SRGAP2C: variants seen among roughly 807,000 people sequenced by gnomAD.
The protein encoded by SRGAP2C is SLIT-ROBO Rho GTPase-activating protein 2C.
In SRGAP2C, 15 loss-of-function variants were observed where a neutral mutation model predicts 25.1. That is an observed-to-expected ratio of 0.60 (90% CI 0.40 to 0.92). SRGAP2C has a LOEUF of 0.92. Among genes scored for constraint, SRGAP2C ranks in the 40% least tolerant of loss-of-function variants. The pLI, the probability that SRGAP2C is intolerant of heterozygous loss-of-function variation, is 0.00. For missense variants in SRGAP2C, 144 were observed against 264.4 expected (o/e 0.54, Z 3.16); for synonymous variants, 44 against 96.6 (o/e 0.46, Z 3.19).
intron 2 of SRGAP2C, among the ~76,000 whole-genome samples, chr1:121,201,852 A>G (rs1225452561): frequency 6.6e-6 from 1 of 152,196 alleles, no homozygotes; most frequent in African/African-American, 2.4e-5. Flanking sequence ...TATGCTTGAA[A>G]CTATTTGGAG....
chr1:121,355,556 G>A (rs1233260828), intron 4 of SRGAP2C, among the ~76,000 whole-genome samples: 4 of 132,742 alleles, frequency 3.0e-5, no homozygotes, highest in Non-Finnish European at 3.2e-5. Flanking sequence ...TGATCCGCCC[G>A]CCTCGGCCTC....
intron 2 of SRGAP2C, among the ~76,000 whole-genome samples, chr1:121,206,249 CTTTG>C: frequency 1.3e-5 from 2 of 152,038 alleles, no homozygotes; most frequent in Non-Finnish European, 2.9e-5. Context: ...CTTGTGAGTT[CTTTG>C]AGGGTGGACA....
At chr1:121,191,492 G>C (rs1174157608) in intron 2 of SRGAP2C, among the ~76,000 whole-genome samples, 2 of 150,050 alleles carry the variant, frequency 1.3e-5, no homozygotes, top group South Asian at 4.2e-4. Context: ...GAACCTGCAG[G>C]TATGGGGAGG....
In SRGAP2C at chr1:121,348,704, G is replaced by A. The variant is rs868981787; in HGVS notation, c.424-16589G>A. ...CATTGTATAAGATTAGGAGAATACA[G>A]ATAAGACAAAATAGCATTGAAGGAG... is the stretch of plus-strand genomic sequence containing the variant. On this transcript the variant is annotated intron_variant, in intron 4 of 9. Coordinates refer to ENST00000367123, the MANE Select transcript of SRGAP2C (RefSeq NM_001329984.2). Among the ~76,000 whole-genome samples, 115 of 149,604 alleles carry A rather than the reference G, an allele frequency of 7.7e-4. No homozygotes were observed. In the Middle Eastern group the frequency reaches 0.014, roughly 18 times the overall value.
Position 121,314,869 on chromosome 1 carries a change from G to A in SRGAP2C, c.261-9609G>A, listed in dbSNP as rs1553340417. The A allele has an allele frequency of 1.2e-4, 65 of 560,150 alleles. 1 individual carries two copies. Among genetic ancestry groups the A allele is most frequent in the Middle Eastern group, 5.1e-4 (1 of 1,962 alleles). The allele number at this position is 560,150 out of a possible 1,614,324, so 34.7% of individuals were successfully genotyped here. ...GCAGAAATCACCCGTCTTCTGTGTC[G>A]CTCACGCTGGGAGCTGTAGACCGGA... On this transcript the variant is annotated intron_variant, in intron 3 of 9. Transcript: ENST00000367123.
rs868953405 is a variant in SRGAP2C at position 121,266,545 on chromosome 1, C to T, written c.68-18258C>T. 9.0e-4 allele frequency among the ~76,000 whole-genome samples: 134 copies of T among 149,030 alleles called. 7 individuals are homozygous for T. The Middle Eastern group carries it at 0.021, about 23-fold the overall frequency. ...GTTGTTGATTTTTTAAAAAAGGAAA[C>T]GAAGGAGTTGCCATGATTGCGGTTA... On this transcript the variant is annotated intron_variant, in intron 2 of 9. Transcript: ENST00000367123.
chr1:121,367,268 A>T (rs1659351564), intron 5 of SRGAP2C, among the ~76,000 whole-genome samples: 2 of 151,396 alleles, frequency 1.3e-5, no homozygotes, highest in Non-Finnish European at 2.9e-5. Context: ...GGGAAAAAAG[A>T]GTAGAGGCAC....
At position 121,337,468 on chromosome 1, in the gene SRGAP2C, C is replaced by A. The variant is rs1343748854; in HGVS notation, c.423+12828C>A. On this transcript the variant is annotated intron_variant, in intron 4 of 9. Coordinates refer to ENST00000367123, the MANE Select transcript of SRGAP2C (RefSeq NM_001329984.2). ...CCAACATGCTGAAACCCTGTCTCTA[C>A]TAAAAATACAGAAATTAGCCAGGCG... Among the ~76,000 whole-genome samples the A allele has an allele frequency of 2.8e-3, 405 of 144,802 alleles. 6 individuals are homozygous for A. The highest frequency in any genetic ancestry group is 9.7e-3 in the African/African-American group (375 of 38,570). The allele number at this position is 144,802 out of a possible 152,430, so 95.0% of individuals were successfully genotyped here. A position where few individuals can be genotyped will look rare whatever the true frequency, so the allele number is the denominator to read the frequency against.
chr1:121,382,931 G>C lies in SRGAP2C; in HGVS notation c.1056+6G>C. ...AGCCCCACATGGGGGATATGGTGAG[G>C]CCCTTTCCCTATACCCCCACCCTCA... On this transcript the variant is annotated splice_donor_region_variant and intron_variant, in intron 8 of 9. Coordinates refer to ENST00000367123, the MANE Select transcript of SRGAP2C (RefSeq NM_001329984.2). The C allele has an allele frequency of 3.6e-6, 2 of 559,800 alleles. 1 individual carries two copies. The highest frequency in any genetic ancestry group is 6.4e-6 in the Non-Finnish European group (2 of 314,704). The allele number at this position is 559,800 out of a possible 1,614,324, so 34.7% of individuals were successfully genotyped here. A position where few individuals can be genotyped will look rare whatever the true frequency, so the allele number is the denominator to read the frequency against.
chr1:121,315,534 A>C (rs1311848417), intron 3 of SRGAP2C, among the ~76,000 whole-genome samples: 1 of 151,688 alleles, frequency 6.6e-6, no homozygotes, highest in South Asian at 2.1e-4. Context: ...GAAATTGACT[A>C]GGGCTTCTCT....
intron 2 of SRGAP2C, among the ~76,000 whole-genome samples, chr1:121,211,881 G>A (rs1328110519): frequency 2.5e-5 from 3 of 119,182 alleles, no homozygotes; most frequent in Admixed American, 1.8e-4. Flanking sequence ...GTATGCCAGC[G>A]TTGACATTTC....
At chr1:121,322,124 G>A (rs1197892364) in intron 3 of SRGAP2C, among the ~76,000 whole-genome samples, 5 of 149,758 alleles carry the variant, frequency 3.3e-5, no homozygotes, top group East Asian at 3.9e-4. Flanking sequence ...TATAGGGAAA[G>A]AACCAGTATA....
intron 4 of SRGAP2C, among the ~76,000 whole-genome samples, chr1:121,356,657 G>A (rs1553347663): frequency 2.0e-5 from 3 of 151,328 alleles, no homozygotes; most frequent in Non-Finnish European, 4.4e-5. Flanking sequence ...GGGAAATGGG[G>A]TGATCACTCA....
At chr1:121,274,874 GC>G (rs1553335871) in intron 2 of SRGAP2C, among the ~76,000 whole-genome samples, 1 of 121,246 alleles carries the variant, frequency 8.2e-6, no homozygotes. Context: ...CTCTCTGCTG[GC>G]CCTGGCCTGC....
At chr1:121,308,874 G>A (rs1306953514) in intron 3 of SRGAP2C, among the ~76,000 whole-genome samples, 8 of 140,254 alleles carry the variant, frequency 5.7e-5, no homozygotes, top group Non-Finnish European at 1.2e-4. Flanking sequence ...AGGAGGCGGA[G>A]GTTGCGGTGA....
intron 4 of SRGAP2C, among the ~76,000 whole-genome samples, chr1:121,351,677 G>T (rs1553345964): frequency 2.0e-5 from 3 of 150,426 alleles, no homozygotes; most frequent in African/African-American, 7.4e-5. Flanking sequence ...CATCCCAAAT[G>T]TTAATGAAGT....
At chr1:121,295,291 C>T (rs1657571490) in intron 3 of SRGAP2C, among the ~76,000 whole-genome samples, 3 of 150,900 alleles carry the variant, frequency 2.0e-5, no homozygotes, top group African/African-American at 7.3e-5. Context: ...ATACAATAGA[C>T]ACTGGAAACC....
chr1:121,378,442 G>C (rs1288509834), intron 7 of SRGAP2C, among the ~76,000 whole-genome samples: 1 of 149,338 alleles, frequency 6.7e-6, no homozygotes, highest in Non-Finnish European at 1.5e-5. Context: ...AATTAGTTTT[G>C]CCCATTGTAG....
chr1:121,308,708 G>A (rs1657907701), intron 3 of SRGAP2C, among the ~76,000 whole-genome samples: 1 of 151,382 alleles, frequency 6.6e-6, no homozygotes, highest in Non-Finnish European at 1.5e-5. Flanking sequence ...GGAGGCCAAT[G>A]TGGACAGATC....
Sources: allele counts gnomAD v4.1 joint callset (sites outside exome capture counted in the v4.1 genomes callset), GRCh38; gene constraint gnomAD v4.1.1; transcripts MANE v1.5; gene names NCBI Gene and HGNC (gene_info 2026-07-23, HGNC 2026-07-21).